Variants in ZNF804B observed in about 807,000 individuals in gnomAD.
ZNF804B encodes zinc finger 804B.
ZNF804B carries 80 observed loss-of-function variants against 101.4 expected under a neutral mutation model. That is an observed-to-expected ratio of 0.79 (90% CI 0.66 to 0.95). ZNF804B has a LOEUF of 0.95. ZNF804B is among the 40% of genes least tolerant of loss of function. The pLI is 0.00. For synonymous variants in ZNF804B, 622 were observed against 558.8 expected, an observed-to-expected ratio of 1.11 and a Z score of -1.59; for missense variants, 1,673 against 1,561.9, an observed-to-expected ratio of 1.07 and a Z score of -1.20.
At chr7:89,063,079 T>C (rs767488330) in intron 1 of ZNF804B, among the ~76,000 whole-genome samples, 18 of 152,134 alleles carry the variant, frequency 1.2e-4, no homozygotes, top group Non-Finnish European at 2.6e-4. Flanking sequence ...TTGCAGTACT[T>C]AGTACAATGT....
intron 1 of ZNF804B, among the ~76,000 whole-genome samples, chr7:88,878,935 T>C (rs941919194): frequency 3.3e-5 from 5 of 152,176 alleles, no homozygotes; most frequent in Non-Finnish European, 5.9e-5. Flanking sequence ...AAATACCTTA[T>C]GCTTCCGCTC....
chr7:88,877,008 A>AATATATATATATATAATATATAT (rs1791950930), intron 1 of ZNF804B, among the ~76,000 whole-genome samples: 5 of 71,240 alleles, frequency 7.0e-5, no homozygotes, highest in African/African-American at 5.6e-4. Flanking sequence ...GAAAAAAAAA[A>AATATATATATATATAATATATAT]TATATATATA....
intron 1 of ZNF804B, among the ~76,000 whole-genome samples, chr7:88,887,036 A>C (rs1032493994): frequency 8.5e-5 from 13 of 152,256 alleles, no homozygotes; most frequent in Middle Eastern, 3.4e-3. Flanking sequence ...AGGAAATGCA[A>C]ATCAAAACCA....
chr7:88,880,802 TATTA>T (rs1792019221), intron 1 of ZNF804B, among the ~76,000 whole-genome samples: 1 of 152,116 alleles, frequency 6.6e-6, no homozygotes, highest in African/African-American at 2.4e-5. Context: ...ATATGGTGAT[TATTA>T]ATTTTGCTTC....
chr7:88,910,290 T>C (rs773848218), intron 1 of ZNF804B, among the ~76,000 whole-genome samples: 9 of 151,944 alleles, frequency 5.9e-5, no homozygotes, highest in Non-Finnish European at 1.2e-4. Flanking sequence ...ACAGCACTGA[T>C]AAACTGAATA....
At chr7:88,817,148 C>T (rs951881233) in intron 1 of ZNF804B, among the ~76,000 whole-genome samples, 8 of 152,002 alleles carry the variant, frequency 5.3e-5, no homozygotes, top group African/African-American at 1.2e-4. Context: ...AACCAAGTAC[C>T]GCATGTTCTC....
At chr7:88,794,863 C>T (rs748009547) in intron 1 of ZNF804B, 83 of 1,612,784 alleles carry the variant, frequency 5.1e-5, no homozygotes, top group East Asian at 6.7e-5. Flanking sequence ...GTAATTGCTA[C>T]GTGGGACTTG....
At chr7:89,150,493 G>A (rs1584016808) in intron 1 of ZNF804B, among the ~76,000 whole-genome samples, 1 of 152,028 alleles carries the variant, frequency 6.6e-6, no homozygotes, top group Non-Finnish European at 1.5e-5. Flanking sequence ...GCCTCCAGAC[G>A]CATTTTTGCA....
chr7:89,025,547 A>G (rs748538496), intron 1 of ZNF804B, among the ~76,000 whole-genome samples: 1 of 152,046 alleles, frequency 6.6e-6, no homozygotes, highest in Non-Finnish European at 1.5e-5. Flanking sequence ...TCCCAGAAAA[A>G]CTTGTTTTTT....
intron 1 of ZNF804B, among the ~76,000 whole-genome samples, chr7:89,014,154 G>A (rs1331016192): frequency 6.6e-6 from 1 of 152,098 alleles, no homozygotes; most frequent in African/African-American, 2.4e-5. Flanking sequence ...GGCTATAATA[G>A]TTTACATTCC....
Position 89,264,124 on chromosome 7 carries a change from C to T in ZNF804B, c.249+45829C>T, listed in dbSNP as rs74340981. 8.0e-5 allele frequency among the ~76,000 whole-genome samples: 12 copies of T among 150,750 alleles called. No homozygotes were observed. In the East Asian group the frequency reaches 2.3e-3, roughly 29 times the overall value. On this transcript the variant is annotated intron_variant, in intron 2 of 3. Transcript: ENST00000333190. ...AACCATACCTACCTTCCACATCCCA[C>T]CTACTGTTCAAAGTTACATTTGTGT...
chr7:89,334,650 C>T lies in ZNF804B; in HGVS notation c.1668C>T (p.Tyr556=), dbSNP rs1791046147. Residue 556 remains tyrosine (Y), a synonymous_variant, in exon 4 of 4, where the codon TAC becomes TAT. Transcript: ENST00000333190. ...EKFQRKYNLD[Y]SDSEPNKSEY... is the part of the protein sequence containing the mutation. ...TCCAGAGGAAATATAATTTGGACTA[C>T]AGTGATTCTGAGCCAAATAAGAGTG... 2.5e-6 allele frequency: 4 copies of T among 1,613,622 alleles called. No homozygotes were observed. The highest frequency in any genetic ancestry group is 3.3e-5 in the Admixed American group (2 of 59,890).
intron 1 of ZNF804B, among the ~76,000 whole-genome samples, chr7:88,772,764 A>G (rs1444093293): frequency 6.6e-6 from 1 of 152,302 alleles, no homozygotes; most frequent in African/African-American, 2.4e-5. Flanking sequence ...TTTGGAAACA[A>G]CTCAGTAATA....
At position 89,190,453 on chromosome 7, in the gene ZNF804B, C is replaced by A. The variant is rs62463579; in HGVS notation, c.109-27702C>A. Among the ~76,000 whole-genome samples, 578 of 151,982 alleles carry A rather than the reference C, an allele frequency of 3.8e-3. 4 individuals carry two copies. The highest frequency in any genetic ancestry group is 4.8e-3 in the Non-Finnish European group (327 of 67,970). ...CAAGGAGTTGCTTCTTATGAATGAG[C>A]AAAGAAAGTGGTTTCTTGACATGCC... On this transcript the variant is annotated intron_variant, in intron 1 of 3. Coordinates refer to ENST00000333190, the MANE Select transcript of ZNF804B (RefSeq NM_181646.5).
chr7:89,256,904 G>A (rs1261646480), intron 2 of ZNF804B, among the ~76,000 whole-genome samples: 1 of 152,032 alleles, frequency 6.6e-6, no homozygotes, highest in Non-Finnish European at 1.5e-5. Flanking sequence ...CGATTATTCA[G>A]GTGTGTTTAC....
chr7:88,974,470 T>C (rs780981616), intron 1 of ZNF804B, among the ~76,000 whole-genome samples: 1 of 151,210 alleles, frequency 6.6e-6, no homozygotes, highest in Non-Finnish European at 1.5e-5. Context: ...TAAAACATCA[T>C]GTGGTACATG....
chr7:89,051,991 G>A (rs1383759756), intron 1 of ZNF804B, among the ~76,000 whole-genome samples: 1 of 152,010 alleles, frequency 6.6e-6, no homozygotes, highest in South Asian at 2.1e-4. Flanking sequence ...GTTTGTCTTT[G>A]AACTTTGGGA....
chr7:88,899,868 T>A (rs1434080923), intron 1 of ZNF804B, among the ~76,000 whole-genome samples: 1 of 152,176 alleles, frequency 6.6e-6, no homozygotes, highest in Non-Finnish European at 1.5e-5. Context: ...AGGCAAGTCC[T>A]TTCTTTCTAC....
chr7:89,083,501 T>A (rs1384757620), intron 1 of ZNF804B, among the ~76,000 whole-genome samples: 1 of 151,342 alleles, frequency 6.6e-6, no homozygotes, highest in African/African-American at 2.4e-5. Context: ...TGGCATTGAT[T>A]ATTATTGTAC....
Sources: allele counts gnomAD v4.1 joint callset (sites outside exome capture counted in the v4.1 genomes callset), GRCh38; gene constraint gnomAD v4.1.1; transcripts MANE v1.5; gene names NCBI Gene and HGNC (gene_info 2026-07-23, HGNC 2026-07-21).